The following MYO5B variants were observed in gnomAD, a reference collection of about 807,000 sequenced individuals.
MYO5B encodes the protein myosin VB, also known as unconventional myosin-Vb.
Under a neutral mutation model 229.3 loss-of-function variants are expected in MYO5B, and 143 were observed. That is an observed-to-expected ratio of 0.62 (90% CI 0.54 to 0.72). The LOEUF is 0.72. Ranked by LOEUF, MYO5B falls within the 30% of genes least tolerant of loss-of-function variation. The probability of loss-of-function intolerance (pLI) is 0.00; values close to 1 mark genes in which losing one functional copy is unlikely to be tolerated. For missense variants in MYO5B, 2,321 were observed against 2,331.0 expected, an observed-to-expected ratio of 1.00 and a Z score of 0.09; for synonymous variants, 918 against 885.2, an observed-to-expected ratio of 1.04 and a Z score of -0.66.
At chr18:50,065,772 A>C (rs1406755005) in intron 1 of MYO5B, among the ~76,000 whole-genome samples, 1 of 152,138 alleles carries the variant, frequency 6.6e-6, no homozygotes, top group Non-Finnish European at 1.5e-5. Context: ...GTGACAGGGG[A>C]CCCAACCCAC....
chr18:50,036,769 A>C lies in MYO5B; in HGVS notation c.455+81T>G. On this transcript the variant is annotated intron_variant, in intron 4 of 39. Transcript: ENST00000285039. ...CCAATCTCACCACCTCACTGTGAGCATCAGTTGCAGAGGAAGGTAAAAACT... is the reference window on the plus strand; with the variant it reads ...CCAATCTCACCACCTCACTGTGAGCCTCAGTTGCAGAGGAAGGTAAAAACT... 2.6e-6 allele frequency: 4 copies of C among 1,515,350 alleles called. No individual in the cohort carries two copies. The East Asian group carries it at 9.0e-5, about 34-fold the overall frequency. 93.9% of individuals were successfully genotyped at this position (1,515,350 alleles called of 1,614,324 possible). A position where few individuals can be genotyped will look rare whatever the true frequency, so the allele number is the denominator to read the frequency against.
chr18:50,174,402 T>C (rs928363431), intron 1 of MYO5B, among the ~76,000 whole-genome samples: 1 of 152,134 alleles, frequency 6.6e-6, no homozygotes, highest in Non-Finnish European at 1.5e-5. Flanking sequence ...AACACCAGGA[T>C]GTCATGTGCT....
Position 49,895,073 on chromosome 18 carries a change from C to T in MYO5B, c.2913G>A (p.Gln971=). 6.2e-6 allele frequency: 10 copies of T among 1,614,174 alleles called. No individual in the cohort carries two copies. The highest frequency in any genetic ancestry group is 6.8e-6 in the Non-Finnish European group (8 of 1,180,036). Reference sequence around the variant, plus strand: ...TGAGGCTGGTGTCCTCACCTGGGCTCTGCTGGTAGTGCACCAGCTCCTTCT... The same window carrying T: ...TGAGGCTGGTGTCCTCACCTGGGCTTTGCTGGTAGTGCACCAGCTCCTTCT... ...RLKKELVHYQ[Q]SPGEDTSLRL... Residue 971 remains glutamine (Q), a synonymous_variant, in exon 22 of 40, where the codon CAG becomes CAA. Coordinates refer to ENST00000285039, the MANE Select transcript of MYO5B (RefSeq NM_001080467.3).
At chr18:49,877,093 T>C (rs1386471236) in intron 25 of MYO5B, among the ~76,000 whole-genome samples, 2 of 152,246 alleles carry the variant, frequency 1.3e-5, no homozygotes, top group African/African-American at 4.8e-5. Context: ...CTCCATGTTA[T>C]TTCCACATAC....
intron 22 of MYO5B, among the ~76,000 whole-genome samples, chr18:49,889,317 G>A (rs768769915): frequency 1.3e-5 from 2 of 152,164 alleles, no homozygotes; most frequent in Non-Finnish European, 2.9e-5. Context: ...TTTAAATTAG[G>A]TTGGCAAATT....
intron 15 of MYO5B, among the ~76,000 whole-genome samples, chr18:49,936,731 TATCCTGGAA>T (rs2025254783): frequency 6.6e-6 from 1 of 152,164 alleles, no homozygotes; most frequent in African/African-American, 2.4e-5. Flanking sequence ...GATGCCTGGG[TATCCTGGAA>T]ATAATTTGTT....
chr18:49,947,184 C>T (rs1182793060), intron 14 of MYO5B, among the ~76,000 whole-genome samples: 1 of 145,806 alleles, frequency 6.9e-6, no homozygotes, highest in Non-Finnish European at 1.5e-5. Context: ...CAGCTCACTG[C>T]AAACTCCACC....
intron 9 of MYO5B, among the ~76,000 whole-genome samples, chr18:49,975,801 G>A (rs759590175): frequency 2.0e-5 from 3 of 152,048 alleles, no homozygotes; most frequent in Non-Finnish European, 2.9e-5. Flanking sequence ...CCCAGCACAA[G>A]GCTTCTACCA....
intron 1 of MYO5B, among the ~76,000 whole-genome samples, chr18:50,102,744 AT>A (rs1435279683): frequency 6.6e-6 from 1 of 151,174 alleles, no homozygotes; most frequent in Admixed American, 6.6e-5. Context: ...AAAAAAAAAA[AT>A]CCCCAGTGTT....
chr18:49,975,078 G>A (rs1177061045), intron 9 of MYO5B, among the ~76,000 whole-genome samples: 1 of 152,156 alleles, frequency 6.6e-6, no homozygotes, highest in Non-Finnish European at 1.5e-5. Context: ...ACCAAATGCA[G>A]TTTGCATCTG....
chr18:50,080,157 C>G (rs946314421), intron 1 of MYO5B, among the ~76,000 whole-genome samples: 1 of 152,164 alleles, frequency 6.6e-6, no homozygotes, highest in African/African-American at 2.4e-5. Flanking sequence ...ACCCATCAAC[C>G]AGTACCGCTT....
intron 1 of MYO5B, among the ~76,000 whole-genome samples, chr18:50,102,930 T>A (rs77245489): frequency 6.6e-6 from 1 of 152,106 alleles, no homozygotes; most frequent in East Asian, 1.9e-4. Flanking sequence ...CTTTTTTTTT[T>A]CTTCCCCAGG....
At chr18:49,856,664 C>CA (rs2024265871) in intron 30 of MYO5B, 149 bp downstream of exon 30, 1 of 736,048 alleles carries the variant, frequency 1.4e-6, no homozygotes, top group Admixed American at 2.0e-5. Flanking sequence ...GGCACAGTGA[C>CA]AGATGGTCAA....
Position 49,953,302 on chromosome 18 carries a change from G to T in MYO5B, c.1710C>A (p.Asp570Glu). ...TATTGATCTGCTCTTCATACACCGTGTCTCTGTTTTTCTCCAGAAAACCAT... is the reference window on the plus strand; with the variant it reads ...TATTGATCTGCTCTTCATACACCGTTTCTCTGTTTTTCTCCAGAAAACCAT... ...LSDGFLEKNR[D>E]TVYEEQINIL... Residue 570 changes from aspartate (D) to glutamate (E), a missense_variant, in exon 14 of 40, where the codon GAC (aspartate) becomes GAA (glutamate). By Grantham distance (45) the Asp-to-Glu change is conservative. Around this residue, in one of 2 missense-constraint regions of MYO5B, gnomAD observed 2,113 missense variants for 2,044.7 expected, o/e 1.03. Transcript: ENST00000285039. The T allele has an allele frequency of 6.2e-7, 1 of 1,614,088 alleles. No individual in the cohort carries two copies. Among genetic ancestry groups the T allele is most frequent in the Non-Finnish European group, 8.5e-7 (1 of 1,180,026 alleles).
At chr18:50,158,569 G>C (rs1447586088) in intron 1 of MYO5B, among the ~76,000 whole-genome samples, 2 of 152,122 alleles carry the variant, frequency 1.3e-5, no homozygotes, top group Non-Finnish European at 2.9e-5. Flanking sequence ...ATTTGTACAT[G>C]GACAATCACA....
chr18:50,065,168 C>T (rs2030788010), intron 1 of MYO5B, among the ~76,000 whole-genome samples: 1 of 152,172 alleles, frequency 6.6e-6, no homozygotes, highest in Admixed American at 6.5e-5. Flanking sequence ...CATTCAACTC[C>T]TATATGTCCC....
chr18:49,959,697 A>C (rs1230970136), intron 12 of MYO5B, among the ~76,000 whole-genome samples: 1 of 152,144 alleles, frequency 6.6e-6, no homozygotes, highest in Non-Finnish European at 1.5e-5. Context: ...CACTTACTAG[A>C]ATTGCTTCCA....
intron 1 of MYO5B, among the ~76,000 whole-genome samples, chr18:50,168,313 A>G (rs1210620360): frequency 5.3e-5 from 8 of 152,208 alleles, no homozygotes; most frequent in Non-Finnish European, 1.0e-4. Context: ...ATCTGGCAAC[A>G]TGGTGATTTA....
At chr18:50,055,855 T>C (rs2030536101) in intron 1 of MYO5B, among the ~76,000 whole-genome samples, 1 of 152,212 alleles carries the variant, frequency 6.6e-6, no homozygotes, top group Non-Finnish European at 1.5e-5. Context: ...TGAAAGAAAG[T>C]GGTCGGCAAA....
Sources: allele counts gnomAD v4.1 joint callset (sites outside exome capture counted in the v4.1 genomes callset), GRCh38; gene constraint gnomAD v4.1.1; regional missense constraint gnomAD v4.1.1; transcripts MANE v1.5; gene names NCBI Gene and HGNC (gene_info 2026-07-23, HGNC 2026-07-21).